APBB2: variants seen among roughly 807,000 people sequenced by gnomAD.
The protein encoded by APBB2 is amyloid beta precursor protein binding family B member 2.
APBB2 carries 38 observed loss-of-function variants against 82.5 expected under a neutral mutation model. The ratio of observed to expected loss-of-function variants is 0.46; its 90% CI spans 0.36 to 0.60. The LOEUF (loss-of-function observed/expected upper bound fraction) is 0.60, where lower values mean the gene tolerates loss of function less well. Among genes scored for constraint, APBB2 ranks in the 20% least tolerant of loss-of-function variants. The probability of loss-of-function intolerance (pLI) is 0.00; values close to 1 mark genes in which losing one functional copy is unlikely to be tolerated. For synonymous variants in APBB2, 341 were observed against 368.2 expected (o/e 0.93, Z 0.85); for missense variants, 772 against 972.3 (o/e 0.79, Z 2.74).
chr4:41,122,299 G>A lies in APBB2; in HGVS notation c.-261+20688C>T, dbSNP rs763650450. On this transcript the variant is annotated intron_variant, in intron 2 of 17. Transcript: ENST00000508593. Reference sequence around the variant, plus strand: ...ACAAGTATCTTCACTGTTCTGACTGGGGTCTGTACAATAGTTTTCCTCCAC... The same window carrying A: ...ACAAGTATCTTCACTGTTCTGACTGAGGTCTGTACAATAGTTTTCCTCCAC... Among the ~76,000 whole-genome samples, 31 of 152,148 alleles carry A rather than the reference G, an allele frequency of 2.0e-4. 1 individual carries two copies. The highest frequency in any genetic ancestry group is 3.4e-3 in the Middle Eastern group (1 of 294).
At chr4:40,941,501 C>A (rs565627248) in intron 7 of APBB2, among the ~76,000 whole-genome samples, 1 of 152,364 alleles carries the variant, frequency 6.6e-6, no homozygotes, top group East Asian at 1.9e-4. Flanking sequence ...TGAACTCAAG[C>A]TTGACTCTAC....
intron 4 of APBB2, among the ~76,000 whole-genome samples, chr4:41,052,951 G>T (rs1293149280): frequency 1.3e-5 from 2 of 151,976 alleles, no homozygotes; most frequent in African/African-American, 4.8e-5. Context: ...TTTTGGTAGT[G>T]ACGGGGTTTC....
intron 5 of APBB2, among the ~76,000 whole-genome samples, chr4:41,029,529 T>C (rs191016852): frequency 1.3e-5 from 2 of 152,194 alleles, no homozygotes; most frequent in Non-Finnish European, 2.9e-5. Flanking sequence ...TAAACTTAAC[T>C]GCCTGAGGAC....
chr4:40,991,197 T>G (rs1560471998), intron 6 of APBB2, among the ~76,000 whole-genome samples: 1 of 89,180 alleles, frequency 1.1e-5, no homozygotes, highest in African/African-American at 3.8e-5. Context: ...TTTTTTTTTT[T>G]GTAGAAATGA....
intron 12 of APBB2, among the ~76,000 whole-genome samples, chr4:40,836,340 G>A (rs747302874): frequency 2.6e-5 from 4 of 152,138 alleles, no homozygotes; most frequent in East Asian, 1.9e-4. Flanking sequence ...AGGCGGGTGC[G>A]GTAGTGTGCA....
intron 3 of APBB2, among the ~76,000 whole-genome samples, chr4:41,066,253 T>C (rs1286607790): frequency 6.6e-6 from 1 of 152,144 alleles, no homozygotes; most frequent in African/African-American, 2.4e-5. Flanking sequence ...CAGAACATTA[T>C]CAGCACTGCA....
At chr4:40,842,471 T>C (rs1008838158) in intron 12 of APBB2, 1 of 414,414 alleles carries the variant, frequency 2.4e-6, no homozygotes, top group African/African-American at 2.0e-5. Context: ...ACAGCGAGTC[T>C]GAGCACTGAC....
chr4:41,032,818 T>A (rs1299299066), intron 5 of APBB2, among the ~76,000 whole-genome samples: 3 of 121,942 alleles, frequency 2.5e-5, no homozygotes, highest in Middle Eastern at 4.5e-3. Flanking sequence ...GGAGTTTCGC[T>A]CTGTCGCCCA....
At chr4:40,948,871 A>G (rs1052464044) in intron 6 of APBB2, among the ~76,000 whole-genome samples, 1 of 141,820 alleles carries the variant, frequency 7.1e-6, no homozygotes, top group African/African-American at 2.7e-5. Flanking sequence ...CCTGGGTGAC[A>G]GAAGTGAGAT....
intron 12 of APBB2, among the ~76,000 whole-genome samples, chr4:40,845,291 C>T (rs1412389361): frequency 2.6e-5 from 4 of 152,148 alleles, no homozygotes; most frequent in African/African-American, 7.2e-5. Context: ...AAACATCAGT[C>T]CAAAGCTGGG....
At chr4:41,208,189 G>A (rs533024849) in intron 1 of APBB2, among the ~76,000 whole-genome samples, 1 of 152,220 alleles carries the variant, frequency 6.6e-6, no homozygotes, top group South Asian at 2.1e-4. Flanking sequence ...TTACCCTCTG[G>A]AATTCCGCAA....
chr4:40,843,997 C>T (rs531998767), intron 12 of APBB2, among the ~76,000 whole-genome samples: 7 of 152,304 alleles, frequency 4.6e-5, no homozygotes, highest in Admixed American at 4.6e-4. Flanking sequence ...AAACACAGTC[C>T]CTAGGCACAG....
At chr4:40,933,381 T>C (rs1019407260) in intron 10 of APBB2, among the ~76,000 whole-genome samples, 4 of 152,120 alleles carry the variant, frequency 2.6e-5, no homozygotes, top group African/African-American at 9.7e-5. Flanking sequence ...TCTCTTCCCA[T>C]GGCCCCACAA....
chr4:40,958,857 C>T (rs752810973), intron 6 of APBB2, among the ~76,000 whole-genome samples: 2 of 152,190 alleles, frequency 1.3e-5, no homozygotes, highest in Admixed American at 6.5e-5. Flanking sequence ...CCTCCCGCCT[C>T]GGCCTTCCAA....
Position 41,100,656 on chromosome 4 carries a change from T to C in APBB2, c.-166A>G, listed in dbSNP as rs1332451451. The C allele has an allele frequency of 6.6e-6, 1 of 152,194 alleles. No individual in the cohort carries two copies. Among genetic ancestry groups the C allele is most frequent in the Non-Finnish European group, 1.5e-5 (1 of 68,028 alleles). The allele number at this position is 152,194 out of a possible 1,614,324, so 9.4% of individuals were successfully genotyped here. On this transcript the variant is annotated 5_prime_UTR_variant, in exon 3 of 18. Coordinates refer to ENST00000508593, the MANE Select transcript of APBB2 (RefSeq NM_004307.2). ...TTACTTACTTTTCCCAGGTCTTTGG[T>C]ACAAAGCTCAGAAGGCAAGCTCCTT...
At chr4:41,160,724 AGAGG>A (rs540981884) in intron 1 of APBB2, among the ~76,000 whole-genome samples, 2 of 152,166 alleles carry the variant, frequency 1.3e-5, no homozygotes, top group Non-Finnish European at 2.9e-5. Context: ...TAGCTCAAAG[AGAGG>A]GAGGGAGGGA....
At chr4:41,083,307 G>A (rs1287955717) in intron 3 of APBB2, among the ~76,000 whole-genome samples, 4 of 152,126 alleles carry the variant, frequency 2.6e-5, no homozygotes, top group East Asian at 1.9e-4. Flanking sequence ...GTAAAAAGAC[G>A]GGAATGAAAT....
At chr4:41,183,883 T>C (rs1205395033) in intron 1 of APBB2, among the ~76,000 whole-genome samples, 2 of 152,100 alleles carry the variant, frequency 1.3e-5, no homozygotes, top group East Asian at 3.8e-4. Context: ...ACTACAGTTA[T>C]TGTGCACTTT....
chr4:41,027,364 CATATATATATATAT>C (rs36224955), intron 5 of APBB2, among the ~76,000 whole-genome samples: 2,126 of 127,452 alleles, frequency 0.017, 80 homozygotes, highest in African/African-American at 0.054. Flanking sequence ...CATATTGTTA[CATATATATATATAT>C]ATATATATAT....
Sources: allele counts gnomAD v4.1 joint callset (sites outside exome capture counted in the v4.1 genomes callset), GRCh38; gene constraint gnomAD v4.1.1; transcripts MANE v1.5; gene names NCBI Gene and HGNC (gene_info 2026-07-23, HGNC 2026-07-21).